The following SGCZ variants were observed in gnomAD, a reference collection of about 807,000 sequenced individuals.
SGCZ encodes sarcoglycan zeta.
Under a neutral mutation model 41.3 loss-of-function variants are expected in SGCZ, and 40 were observed. That is an observed-to-expected ratio of 0.97 (90% CI 0.75 to 1.26). SGCZ has a LOEUF of 1.26. SGCZ is among the 50% of genes most tolerant of loss of function. The pLI is 0.00. For synonymous variants in SGCZ, 206 were observed against 137.5 expected (o/e 1.50, Z -3.49); for missense variants, 552 against 369.8 (o/e 1.49, Z -4.04).
chr8:15,095,694 C>T (rs533403333), intron 1 of SGCZ, among the ~76,000 whole-genome samples: 63 of 152,208 alleles, frequency 4.1e-4, no homozygotes, highest in African/African-American at 1.5e-3. Flanking sequence ...TGACCTTTAC[C>T]CCCACACCTG....
intron 1 of SGCZ, among the ~76,000 whole-genome samples, chr8:15,130,154 T>C (rs766562644): frequency 2.6e-5 from 4 of 152,206 alleles, no homozygotes; most frequent in Non-Finnish European, 5.9e-5. Context: ...AGGAATGTGT[T>C]GGCTCACTCA....
chr8:14,100,000 T>C (rs1801963257), intron 7 of SGCZ, among the ~76,000 whole-genome samples: 1 of 152,156 alleles, frequency 6.6e-6, no homozygotes, highest in Admixed American at 6.5e-5. Flanking sequence ...TGATACTAAG[T>C]AGTTTAAAAA....
At chr8:14,940,800 G>A (rs960628855) in intron 1 of SGCZ, among the ~76,000 whole-genome samples, 5 of 151,942 alleles carry the variant, frequency 3.3e-5, no homozygotes, top group South Asian at 2.1e-4. Context: ...CACTTTAAAT[G>A]AAGTCAGAAG....
intron 1 of SGCZ, among the ~76,000 whole-genome samples, chr8:14,587,074 C>A (rs1401012796): frequency 6.6e-6 from 1 of 150,470 alleles, no homozygotes; most frequent in Non-Finnish European, 1.5e-5. Context: ...ATTTATTTTA[C>A]AACCAAGAGA....
In SGCZ at chr8:15,233,337, A is replaced by C. The variant is rs1585701388; in HGVS notation, c.39+4248T>G. Among the ~76,000 whole-genome samples the C allele has an allele frequency of 1.3e-5, 2 of 149,684 alleles. 1 individual carries two copies. Among genetic ancestry groups the C allele is most frequent in the Admixed American group, 1.3e-4 (2 of 15,112 alleles). ...TTATTGATTAAACAAACCAAAAAAA[A>C]AAAAAAAAGAAAGAAAGAAAAAAAT... On this transcript the variant is annotated intron_variant, in intron 1 of 7. Transcript: ENST00000382080.
At chr8:14,728,830 C>T (rs574191939) in intron 1 of SGCZ, among the ~76,000 whole-genome samples, 1 of 152,112 alleles carries the variant, frequency 6.6e-6, no homozygotes, top group African/African-American at 2.4e-5. Context: ...TGGTGAGTAG[C>T]AAATACATCC....
In SGCZ at chr8:14,469,184, C is replaced by T. The variant is rs537635711; in HGVS notation, c.234+85548G>A. ...AGGAAAAACATGGCTTTTAAACATCCTTATGACAGATTTTAAATTTCACCA... is the reference window on the plus strand; with the variant it reads ...AGGAAAAACATGGCTTTTAAACATCTTTATGACAGATTTTAAATTTCACCA... On this transcript the variant is annotated intron_variant, in intron 2 of 7. Coordinates refer to ENST00000382080, the MANE Select transcript of SGCZ (RefSeq NM_139167.4). Among the ~76,000 whole-genome samples the T allele has an allele frequency of 3.8e-4, 58 of 152,234 alleles. 1 individual carries two copies. Among genetic ancestry groups the T allele is most frequent in the African/African-American group, 1.3e-3 (55 of 41,566 alleles).
intron 1 of SGCZ, among the ~76,000 whole-genome samples, chr8:15,194,648 A>G (rs1401385938): frequency 2.0e-5 from 3 of 152,136 alleles, no homozygotes; most frequent in Non-Finnish European, 4.4e-5. Flanking sequence ...GAGATAAGAG[A>G]GAGACAGAAA....
At chr8:14,988,649 G>GT (rs1438282666) in intron 1 of SGCZ, among the ~76,000 whole-genome samples, 1 of 151,802 alleles carries the variant, frequency 6.6e-6, no homozygotes, top group Non-Finnish European at 1.5e-5. Context: ...AAAAAAAACT[G>GT]TTATTCTAAT....
rs187118982 is a variant in SGCZ, at chr8:14,886,890, C to T, written c.40-331964G>A. ...GAGGCTACTGCAATAAAAGAAGTAA[C>T]GGCATAATGACCTAGGGCAGAGTAC... On this transcript the variant is annotated intron_variant, in intron 1 of 7. Transcript: ENST00000382080. Among the ~76,000 whole-genome samples, 274 of 152,160 alleles carry T rather than the reference C, an allele frequency of 1.8e-3. 1 individual carries two copies. Among genetic ancestry groups the T allele is most frequent in the Non-Finnish European group, 3.6e-3 (246 of 68,004 alleles).
At chr8:15,172,308 C>T (rs559243139) in intron 1 of SGCZ, among the ~76,000 whole-genome samples, 2,546 of 150,308 alleles carry the variant, frequency 0.017, 61 homozygotes, top group African/African-American at 0.057. Context: ...ACTACAGGCG[C>T]GCGCCACCAT....
intron 2 of SGCZ, among the ~76,000 whole-genome samples, chr8:14,448,015 G>A (rs932025345): frequency 2.0e-5 from 3 of 152,068 alleles, no homozygotes; most frequent in African/African-American, 4.8e-5. Context: ...AGTTAAAATA[G>A]TCTGAAATCG....
chr8:14,440,080 A>G (rs1800203733), intron 2 of SGCZ, among the ~76,000 whole-genome samples: 1 of 152,054 alleles, frequency 6.6e-6, no homozygotes, highest in Non-Finnish European at 1.5e-5. Context: ...ATTTAGGTCC[A>G]ACTGTGTTCT....
chr8:14,837,197 GCA>G (rs1802728185), intron 1 of SGCZ, among the ~76,000 whole-genome samples: 1 of 152,114 alleles, frequency 6.6e-6, no homozygotes. Flanking sequence ...GTAAATATGT[GCA>G]CCAGTCAAGG....
chr8:14,794,546 T>C (rs927816607), intron 1 of SGCZ, among the ~76,000 whole-genome samples: 1 of 152,046 alleles, frequency 6.6e-6, no homozygotes, highest in African/African-American at 2.4e-5. Flanking sequence ...GAAAAGACTG[T>C]ACAAAATAAG....
At chr8:14,235,902 C>T (rs78442806) in intron 4 of SGCZ, among the ~76,000 whole-genome samples, 2,423 of 152,234 alleles carry the variant, frequency 0.016, 67 homozygotes, top group African/African-American at 0.054. Flanking sequence ...ACAGGATGAT[C>T]TCGATTTCTT....
intron 2 of SGCZ, among the ~76,000 whole-genome samples, chr8:14,522,956 T>A (rs949459326): frequency 1.3e-5 from 2 of 151,914 alleles, no homozygotes; most frequent in African/African-American, 4.8e-5. Context: ...TCTATATTAA[T>A]TTTTAGTGCA....
intron 1 of SGCZ, among the ~76,000 whole-genome samples, chr8:14,775,172 G>A (rs1800362885): frequency 6.6e-6 from 1 of 152,106 alleles, no homozygotes; most frequent in African/African-American, 2.4e-5. Flanking sequence ...ACATTACTGT[G>A]TATATGAATC....
At chr8:15,164,241 G>A (rs951395552) in intron 1 of SGCZ, among the ~76,000 whole-genome samples, 6 of 152,164 alleles carry the variant, frequency 3.9e-5, no homozygotes, top group African/African-American at 1.4e-4. Context: ...GTGAAATGGG[G>A]ACTCAAAACC....
Sources: gnomAD v4.1 joint callset for allele counts (sites outside exome capture counted in the v4.1 genomes callset) on GRCh38, gnomAD v4.1.1 for gene constraint, MANE v1.5 for transcripts, NCBI Gene and HGNC (gene_info 2026-07-23, HGNC 2026-07-21) for gene names.